SNX13: variants seen among roughly 807,000 people sequenced by gnomAD.
SNX13 encodes sorting nexin 13.
A neutral mutation model predicts 133.6 loss-of-function variants in SNX13; 45 were observed. The observed-to-expected ratio is 0.34, with a 90% CI of 0.27 to 0.43. The LOEUF is 0.43. Ranked by LOEUF, SNX13 falls within the 20% of genes least tolerant of loss-of-function variation. SNX13 has a pLI of 1.00. For synonymous variants in SNX13, 414 were observed against 373.9 expected, an observed-to-expected ratio of 1.11 and a Z score of -1.24; for missense variants, 1,032 against 1,145.1, an observed-to-expected ratio of 0.90 and a Z score of 1.43.
At chr7:17,878,135 T>C (rs796860993) in intron 5 of SNX13, among the ~76,000 whole-genome samples, 14 of 152,168 alleles carry the variant, frequency 9.2e-5, no homozygotes, top group African/African-American at 3.1e-4. Flanking sequence ...ATTTACTACA[T>C]AGCTTTCTAT....
chr7:17,877,044 T>TTA (rs1794804415), intron 5 of SNX13, among the ~76,000 whole-genome samples: 2 of 72,984 alleles, frequency 2.7e-5, no homozygotes, highest in African/African-American at 1.1e-4. Context: ...TGTTACTTTT[T>TTA]GAAAAAAAAA....
chr7:17,838,089 C>T (rs947098612), intron 13 of SNX13, among the ~76,000 whole-genome samples: 1 of 151,824 alleles, frequency 6.6e-6, no homozygotes, highest in Non-Finnish European at 1.5e-5. Context: ...AAACATTTTT[C>T]TTGTCCTATA....
chr7:17,861,311 C>T (rs1018564863), intron 9 of SNX13, among the ~76,000 whole-genome samples: 1 of 150,914 alleles, frequency 6.6e-6, no homozygotes, highest in African/African-American at 2.4e-5. Flanking sequence ...TGGCAGTTAT[C>T]ACACATACAG....
chr7:17,873,844 A>G (rs997851499), intron 7 of SNX13, among the ~76,000 whole-genome samples: 5 of 152,160 alleles, frequency 3.3e-5, no homozygotes, highest in African/African-American at 1.2e-4. Context: ...TGTTTTAACC[A>G]GTTTTTTGAA....
At chr7:17,923,337 A>G (rs1047083233) in intron 1 of SNX13, among the ~76,000 whole-genome samples, 2 of 152,252 alleles carry the variant, frequency 1.3e-5, no homozygotes, top group African/African-American at 4.8e-5. Flanking sequence ...ATGTATTTAT[A>G]TACTGTCAAG....
intron 13 of SNX13, among the ~76,000 whole-genome samples, chr7:17,839,595 A>G (rs1034124614): frequency 6.6e-6 from 1 of 151,954 alleles, no homozygotes; most frequent in African/African-American, 2.4e-5. Flanking sequence ...ATCTTATTCT[A>G]TCATTTAGTA....
chr7:17,817,958 A>G (rs1193659096), intron 18 of SNX13, among the ~76,000 whole-genome samples: 1 of 152,190 alleles, frequency 6.6e-6, no homozygotes, highest in Non-Finnish European at 1.5e-5. Flanking sequence ...ATTGAGAGAT[A>G]AAGCCCCTAA....
intron 20 of SNX13, among the ~76,000 whole-genome samples, chr7:17,805,250 T>TGCGCGCGCGCGCGCGC (rs1554304275): frequency 2.1e-5 from 2 of 95,560 alleles, no homozygotes; most frequent in African/African-American, 3.1e-5. Context: ...TGTGTGTGTG[T>TGCGCGCGCGCGCGCGC]GCGTGCGCGC....
intron 5 of SNX13, among the ~76,000 whole-genome samples, chr7:17,879,010 A>G (rs1795047505): frequency 1.3e-5 from 2 of 152,148 alleles, no homozygotes; most frequent in South Asian, 4.2e-4. Flanking sequence ...TCAATTCCAC[A>G]TGCCAACCTT....
At chr7:17,930,142 A>G (rs1698754271) in intron 1 of SNX13, among the ~76,000 whole-genome samples, 1 of 33,602 alleles carries the variant, frequency 3.0e-5, no homozygotes, top group South Asian at 4.5e-4. Context: ...AAATAAGAAT[A>G]AAGATTTATT....
chr7:17,874,101 G>C (rs1011231752), intron 7 of SNX13, among the ~76,000 whole-genome samples: 10 of 152,062 alleles, frequency 6.6e-5, no homozygotes, highest in African/African-American at 2.4e-4. Context: ...TAAAAGTATT[G>C]CACATCAGTA....
intron 20 of SNX13, among the ~76,000 whole-genome samples, chr7:17,807,031 G>A (rs776485961): frequency 3.3e-5 from 5 of 152,150 alleles, no homozygotes; most frequent in East Asian, 1.9e-4. Context: ...CTGGGCGGCC[G>A]TTTGGACAGA....
chr7:17,847,179 C>T (rs1583460561), intron 11 of SNX13, among the ~76,000 whole-genome samples: 1 of 152,158 alleles, frequency 6.6e-6, no homozygotes, highest in Admixed American at 6.5e-5. Flanking sequence ...TTCTTCTACG[C>T]TCATTTGCAC....
intron 17 of SNX13, among the ~76,000 whole-genome samples, chr7:17,825,336 G>A (rs935432757): frequency 1.3e-5 from 2 of 150,972 alleles, no homozygotes; most frequent in African/African-American, 2.4e-5. Context: ...TGTCTAAAAT[G>A]TAAGCATGAA....
At chr7:17,863,316 C>T (rs2128339614) in intron 9 of SNX13, among the ~76,000 whole-genome samples, 1 of 152,270 alleles carries the variant, frequency 6.6e-6, no homozygotes, top group Middle Eastern at 3.4e-3. Context: ...GGTCAGTAGA[C>T]TTCGGGTATG....
rs557747234 is a variant in SNX13, at chr7:17,850,297, T to C, written c.1065+50A>G. The C allele has an allele frequency of 3.4e-4, 430 of 1,276,720 alleles. 7 individuals are homozygous for C. In the South Asian group the frequency reaches 5.9e-3, roughly 18 times the overall value. The allele number at this position is 1,276,720 out of a possible 1,614,324, so 79.1% of individuals were successfully genotyped here. On this transcript the variant is annotated intron_variant, in intron 11 of 25. Transcript: ENST00000428135. ...TCCTTTACTGTGCATTTTTAATCCC[T>C]ATAGTATAGTATTTATAACTAAACG...
intron 11 of SNX13, among the ~76,000 whole-genome samples, chr7:17,846,305 G>C (rs1348058996): frequency 6.6e-6 from 1 of 151,522 alleles, no homozygotes; most frequent in East Asian, 1.9e-4. Context: ...ATCAGGCTTT[G>C]GGCTAGTTAC....
intron 1 of SNX13, among the ~76,000 whole-genome samples, chr7:17,916,159 C>T (rs1799538992): frequency 6.6e-6 from 1 of 150,670 alleles, no homozygotes; most frequent in Non-Finnish European, 1.5e-5. Context: ...GTTAAGAGGA[C>T]TAGACAGCAC....
intron 2 of SNX13, among the ~76,000 whole-genome samples, chr7:17,893,969 C>T (rs1437577265): frequency 2.3e-5 from 2 of 87,346 alleles, no homozygotes; most frequent in Admixed American, 1.2e-4. Context: ...AAGACTGTCT[C>T]GAAAAAAAAA....
Sources: gnomAD v4.1 joint callset for allele counts (sites outside exome capture counted in the v4.1 genomes callset) on GRCh38, gnomAD v4.1.1 for gene constraint, MANE v1.5 for transcripts, NCBI Gene and HGNC (gene_info 2026-07-23, HGNC 2026-07-21) for gene names.